GAK: variants seen among roughly 807,000 people sequenced by gnomAD.
GAK encodes the protein cyclin-G-associated kinase.
A neutral mutation model predicts 143.9 loss-of-function variants in GAK; 79 were observed. The observed-to-expected ratio is 0.55, with a 90% CI of 0.46 to 0.66. The LOEUF (loss-of-function observed/expected upper bound fraction) is 0.66. GAK is among the 30% of genes least tolerant of loss of function. GAK has a pLI of 0.00. For missense variants in GAK, 1,693 were observed against 1,779.7 expected, an observed-to-expected ratio of 0.95 and a Z score of 0.88; for synonymous variants, 881 against 765.5, an observed-to-expected ratio of 1.15 and a Z score of -2.49.
Position 881,956 on chromosome 4 carries a change from T to C in GAK, c.1612A>G (p.Met538Val), listed in dbSNP as rs1217566027. The C allele has an allele frequency of 3.1e-6, 5 of 1,600,350 alleles. No homozygotes were observed. The highest frequency in any genetic ancestry group is 3.4e-6 in the Non-Finnish European group (4 of 1,173,684). The change falls in exon 15 of 28, where the codon ATG (methionine) becomes GTG (valine). Residue 538 changes from methionine (M) to valine (V), a missense_variant. This residue lies in a region of GAK where 871 missense variants were observed against 991.0 expected (regional missense o/e 0.88). Transcript: ENST00000314167. Reference protein sequence around the residue: ...LFSTAEAAVYMFSMKRCPPGI... With the variant: ...LFSTAEAAVYVFSMKRCPPGI... Reference sequence around the variant, plus strand: ...GGTGGGCAGCGCTTCATGCTGAACATGTACACGGCGGCCTCCGCGGTGCTG... The same window carrying C: ...GGTGGGCAGCGCTTCATGCTGAACACGTACACGGCGGCCTCCGCGGTGCTG...
At chr4:902,615 C>CAAAAAAAAA (rs1445933127) in intron 5 of GAK, among the ~76,000 whole-genome samples, 1 of 37,716 alleles carries the variant, frequency 2.7e-5, no homozygotes, top group African/African-American at 1.2e-4. Context: ...AAAAAAAAAA[C>CAAAAAAAAA]CCCAAAAAAC....
intron 3 of GAK, chr4:912,404 T>C: frequency 5.3e-6 from 2 of 376,410 alleles, no homozygotes; most frequent in Non-Finnish European, 1.0e-5. Context: ...CTCAGCCAGG[T>C]CTCCGGAGGA....
intron 17 of GAK, 28 bp from the exon 18 acceptor site, chr4:876,637 A>G (rs778067466): frequency 3.8e-6 from 6 of 1,597,764 alleles, no homozygotes; most frequent in African/African-American, 2.7e-5. Flanking sequence ...ACGACACCCC[A>G]CGTGGAGGGT....
intron 18 of GAK, among the ~76,000 whole-genome samples, chr4:872,998 G>A (rs1321297689): frequency 6.7e-6 from 1 of 150,344 alleles, no homozygotes; most frequent in Non-Finnish European, 1.5e-5. Context: ...ACCACGCAGG[G>A]AACACGCCTC....
chr4:914,480 A>G (rs1722688547), intron 1 of GAK, among the ~76,000 whole-genome samples: 1 of 80,102 alleles, frequency 1.2e-5, no homozygotes, highest in Non-Finnish European at 2.3e-5. Context: ...GGCCCCACAC[A>G]CACACAGCCC....
At chr4:882,939 C>T (rs553842354) in intron 13 of GAK, 120 bp from the exon 14 acceptor site, 46 of 1,275,742 alleles carry the variant, frequency 3.6e-5, no homozygotes, top group South Asian at 2.9e-4. Context: ...CATGAACAGG[C>T]GTCCACCTGC....
chr4:906,053 G>C (rs529027864), intron 4 of GAK, among the ~76,000 whole-genome samples: 3 of 152,204 alleles, frequency 2.0e-5, no homozygotes, highest in African/African-American at 7.2e-5. Context: ...TGCCGTTAAC[G>C]TGAGAACCAC....
At chr4:890,004 G>A (rs1717324170) in intron 10 of GAK, among the ~76,000 whole-genome samples, 1 of 152,180 alleles carries the variant, frequency 6.6e-6, no homozygotes, top group Admixed American at 6.5e-5. Context: ...GCCTGCTCCT[G>A]CCCCCTGGCC....
intron 2 of GAK, 110 bp downstream of exon 2, chr4:913,497 T>C (rs925539757): frequency 2.3e-6 from 2 of 853,996 alleles, no homozygotes; most frequent in African/African-American, 1.7e-5. Context: ...ATGTCCAGGC[T>C]GTAAAAGGAA....
chr4:874,543 CGGG>C (rs1343097088), intron 18 of GAK, among the ~76,000 whole-genome samples: 1 of 152,232 alleles, frequency 6.6e-6, no homozygotes, highest in East Asian at 1.9e-4. Context: ...CAGCTGCCTT[CGGG>C]TGTCACTCTG....
intron 6 of GAK, among the ~76,000 whole-genome samples, chr4:896,892 C>T (rs1018433866): frequency 4.6e-5 from 7 of 152,242 alleles, no homozygotes; most frequent in Admixed American, 2.0e-4. Context: ...ACAAGGGCCC[C>T]GCTCCAGAGT....
At chr4:857,276 C>A (rs998740125) in intron 24 of GAK, among the ~76,000 whole-genome samples, 1 of 152,064 alleles carries the variant, frequency 6.6e-6, no homozygotes, top group African/African-American at 2.4e-5. Context: ...TCCCAGTTTC[C>A]CTTTCCGGTG....
intron 15 of GAK, among the ~76,000 whole-genome samples, chr4:879,686 G>C (rs1250743335): frequency 6.6e-6 from 1 of 152,138 alleles, no homozygotes; most frequent in Non-Finnish European, 1.5e-5. Context: ...GGTGACCTCT[G>C]AGCTTCTTGA....
At chr4:882,666 G>A (rs976091332) in intron 14 of GAK, 31 bp downstream of exon 14, 2 of 1,605,316 alleles carry the variant, frequency 1.2e-6, no homozygotes, top group African/African-American at 1.3e-5. Context: ...TTTGACAGAA[G>A]ACGGCGCCAG....
At chr4:864,491 T>A (rs1475665878) in intron 23 of GAK, among the ~76,000 whole-genome samples, 1 of 152,162 alleles carries the variant, frequency 6.6e-6, no homozygotes, top group African/African-American at 2.4e-5. Flanking sequence ...ACCCGCGACA[T>A]CGCTGAGGCC....
chr4:854,654 G>A (rs1268316930), intron 24 of GAK, among the ~76,000 whole-genome samples: 3 of 152,290 alleles, frequency 2.0e-5, no homozygotes, highest in East Asian at 1.9e-4. Flanking sequence ...CCACAGACGC[G>A]TCTGTCTGCC....
At chr4:921,263 C>T (rs533026968) in intron 1 of GAK, among the ~76,000 whole-genome samples, 3 of 152,006 alleles carry the variant, frequency 2.0e-5, no homozygotes, top group South Asian at 2.1e-4. Context: ...TCACCACGCC[C>T]GGCTAATTTT....
intron 4 of GAK, among the ~76,000 whole-genome samples, chr4:911,150 GAGGCTGGGC>G (rs1721986527): frequency 6.6e-6 from 1 of 152,142 alleles, no homozygotes; most frequent in Non-Finnish European, 1.5e-5. Flanking sequence ...CAACCCTGAT[GAGGCTGGGC>G]ACCCACAGAG....
chr4:875,023 T>C (rs1042763333), intron 18 of GAK, among the ~76,000 whole-genome samples: 4 of 152,180 alleles, frequency 2.6e-5, no homozygotes, highest in Non-Finnish European at 5.9e-5. Context: ...TTCACATCTG[T>C]CTCCTTTTTA....
Sources: allele counts gnomAD v4.1 joint callset (sites outside exome capture counted in the v4.1 genomes callset), GRCh38; gene constraint gnomAD v4.1.1; regional missense constraint gnomAD v4.1.1; transcripts MANE v1.5; gene names NCBI Gene and HGNC (gene_info 2026-07-23, HGNC 2026-07-21).